The following TNFRSF13B variants were observed in gnomAD, a reference collection of about 807,000 sequenced individuals.
TNFRSF13B encodes the protein tumor necrosis factor receptor superfamily member 13B.
TNFRSF13B carries 34 observed loss-of-function variants against 24.0 expected under a neutral mutation model. The ratio of observed to expected loss-of-function variants is 1.41; its 90% CI spans 1.08 to 1.88. The LOEUF is 1.88. TNFRSF13B is among the 40% of genes most tolerant of loss of function. The pLI is 0.00. For missense variants in TNFRSF13B, 415 were observed against 380.8 expected (o/e 1.09, Z -0.75); for synonymous variants, 173 against 150.3 (o/e 1.15, Z -1.10).
At chr17:16,962,850 C>T (rs4985735) in intron 1 of TNFRSF13B, among the ~76,000 whole-genome samples, 118,298 of 151,690 alleles carry the variant, frequency 0.78, 46,862 homozygotes, top group East Asian at 0.99. Context: ...CCTCCTTCAC[C>T]GGGGGCCGGG....
chr17:16,951,744 C>T lies in TNFRSF13B; in HGVS notation c.199+702G>A, dbSNP rs113944606. Among the ~76,000 whole-genome samples the T allele has an allele frequency of 4.6e-3, 705 of 152,094 alleles. 2 individuals carry two copies. The highest frequency in any genetic ancestry group is 0.016 in the African/African-American group (651 of 41,480). On this transcript the variant is annotated intron_variant, in intron 2 of 4. Coordinates refer to ENST00000261652, the MANE Select transcript of TNFRSF13B (RefSeq NM_012452.3). ...TCTCTACTAAAAATACAAAATTAGCCGGGTGTGGTGGCACATGCCTGTAAT... is the reference window on the plus strand; with the variant it reads ...TCTCTACTAAAAATACAAAATTAGCTGGGTGTGGTGGCACATGCCTGTAAT...
intron 3 of TNFRSF13B, among the ~76,000 whole-genome samples, chr17:16,946,649 A>G (rs1027166199): frequency 6.6e-6 from 1 of 151,196 alleles, no homozygotes; most frequent in African/African-American, 2.4e-5. Context: ...GTACAAAGGC[A>G]CGATCTTGGC....
chr17:16,948,978 G>GT lies in TNFRSF13B; in HGVS notation c.204dup (p.Leu69ThrfsTer12), dbSNP rs72553875. On this transcript the variant is annotated frameshift_variant, in exon 3 of 5. Transcript: ENST00000261652. LOFTEE classifies it high-confidence loss of function. ...TTGCCTTGCTCCTTGCGGCAGCTGA[G>GT]TGACCCTGGGAGAGAGAAATTCATG... 558 of 1,614,068 alleles carry GT rather than the reference G, an allele frequency of 3.5e-4. 1 individual carries two copies. Among genetic ancestry groups the GT allele is most frequent in the Middle Eastern group, 6.6e-4 (4 of 6,062 alleles).
intron 1 of TNFRSF13B, among the ~76,000 whole-genome samples, chr17:16,967,453 G>A (rs946416533): frequency 1.3e-5 from 2 of 151,994 alleles, no homozygotes; most frequent in Non-Finnish European, 2.9e-5. Flanking sequence ...TTAAAAAATT[G>A]TGTTAAAAAT....
At chr17:16,971,103 T>C (rs950044941) in intron 1 of TNFRSF13B, among the ~76,000 whole-genome samples, 12 of 152,162 alleles carry the variant, frequency 7.9e-5, no homozygotes, top group African/African-American at 2.7e-4. Flanking sequence ...ATCCCAATAC[T>C]TTGGGAGGCT....
intron 3 of TNFRSF13B, among the ~76,000 whole-genome samples, chr17:16,942,101 C>A (rs2087514747): frequency 6.6e-6 from 1 of 152,192 alleles, no homozygotes; most frequent in Non-Finnish European, 1.5e-5. Context: ...TTTCCATTTT[C>A]TTGGGTGTAT....
At chr17:16,963,282 G>A (rs2087675766) in intron 1 of TNFRSF13B, among the ~76,000 whole-genome samples, 1 of 152,190 alleles carries the variant, frequency 6.6e-6, no homozygotes, top group African/African-American at 2.4e-5. Context: ...GGAGTGCTGT[G>A]CTGGACAAGG....
intron 3 of TNFRSF13B, among the ~76,000 whole-genome samples, chr17:16,942,703 A>G (rs1677179036): frequency 6.6e-6 from 1 of 152,228 alleles, no homozygotes; most frequent in East Asian, 1.9e-4. Context: ...GTTGTTACTA[A>G]GCGGAAATGA....
rs199603343 is a variant in TNFRSF13B at position 16,939,712 on chromosome 17, C to T, written c.717G>A (p.Ala239=). 143 of 1,605,362 alleles carry T rather than the reference C, an allele frequency of 8.9e-5. 1 individual carries two copies. The South Asian group carries it at 1.2e-3, about 14-fold the overall frequency. ...TCSFCFPECR[A]PTQESAVTPG... ...GCGTGACTGCGCTCTCCTGCGTGGG[C>T]GCCCTGCACTCAGGGAAGCAGAAGC... Residue 239 remains alanine, a synonymous_variant, in exon 5 of 5, where the codon GCG becomes GCA. Coordinates refer to ENST00000261652, the MANE Select transcript of TNFRSF13B (RefSeq NM_012452.3).
intron 1 of TNFRSF13B, among the ~76,000 whole-genome samples, chr17:16,962,811 T>A (rs903294630): frequency 4.6e-5 from 7 of 151,858 alleles, no homozygotes; most frequent in African/African-American, 1.5e-4. Flanking sequence ...AGCCAGCAGG[T>A]CTATCTTGAC....
intron 1 of TNFRSF13B, among the ~76,000 whole-genome samples, chr17:16,967,087 C>T (rs1243358342): frequency 2.6e-5 from 4 of 152,110 alleles, no homozygotes; most frequent in Non-Finnish European, 5.9e-5. Flanking sequence ...TATCTGCCCA[C>T]CTCAGACTTT....
chr17:16,944,062 C>T lies in TNFRSF13B; in HGVS notation c.446-3551G>A, dbSNP rs143407366. Among the ~76,000 whole-genome samples, 65 of 152,332 alleles carry T rather than the reference C, an allele frequency of 4.3e-4. 1 individual carries two copies. The highest frequency in any genetic ancestry group is 6.8e-3 in the Middle Eastern group (2 of 294). On this transcript the variant is annotated intron_variant, in intron 3 of 4. Transcript: ENST00000261652. ...TGTGTGAGCAGCAGGGCTTTCTGTG[C>T]TCTCTTGGTGAGCATGTGGAGCGGT...
intron 1 of TNFRSF13B, among the ~76,000 whole-genome samples, chr17:16,960,201 A>G (rs910440544): frequency 2.6e-5 from 4 of 152,008 alleles, no homozygotes; most frequent in Non-Finnish European, 5.9e-5. Context: ...ACTAAATCCA[A>G]CTTTTTTTAA....
chr17:16,940,445 A>C lies in TNFRSF13B; in HGVS notation c.512T>G (p.Leu171Arg), dbSNP rs143027621. The C allele has an allele frequency of 1.7e-4, 278 of 1,614,020 alleles. No individual in the cohort carries two copies. The highest frequency in any genetic ancestry group is 2.2e-4 in the Non-Finnish European group (263 of 1,180,036). The change falls in exon 4 of 5, where the codon CTG (leucine) becomes CGG (arginine). Residue 171 changes from leucine (L) to arginine (R), a missense_variant. Coordinates refer to ENST00000261652, the MANE Select transcript of TNFRSF13B (RefSeq NM_012452.3). ...CAGGAAGCAGCAGAGGACGGCACAC[A>C]GGCAGAGCCCCAGCGTGCTGTAGAC... is the stretch of plus-strand genomic sequence containing the variant. ...ALVYSTLGLC[L>R]CAVLCCFLVA...
chr17:16,963,124 C>A (rs965566721), intron 1 of TNFRSF13B, among the ~76,000 whole-genome samples: 1 of 152,202 alleles, frequency 6.6e-6, no homozygotes, highest in East Asian at 1.9e-4. Flanking sequence ...CCAGCGTCCT[C>A]CCCTGTAAGA....
chr17:16,962,638 G>A (rs1415575297), intron 1 of TNFRSF13B, among the ~76,000 whole-genome samples: 1 of 152,174 alleles, frequency 6.6e-6, no homozygotes, highest in Non-Finnish European at 1.5e-5. Context: ...CAACAAATAA[G>A]GTGGAGATGT....
chr17:16,958,493 A>T (rs969870370), intron 1 of TNFRSF13B, among the ~76,000 whole-genome samples: 19 of 144,472 alleles, frequency 1.3e-4, no homozygotes, highest in Non-Finnish European at 2.4e-4. Context: ...ACTTTAGATT[A>T]AAAAAAAATA....
In TNFRSF13B at chr17:16,952,587, A is replaced by T; in HGVS notation, c.62-4T>A. The T allele has an allele frequency of 6.2e-7, 1 of 1,614,116 alleles. No homozygotes were observed. The highest frequency in any genetic ancestry group is 8.5e-7 in the Non-Finnish European group (1 of 1,179,958). ...CCCGTCCACAGGCCCTGTGGAACTG[A>T]GAGACCAGGAGAGTGAGGGCAGCTG... On this transcript the variant is annotated splice_polypyrimidine_tract_variant and splice_region_variant and intron_variant, in intron 1 of 4. Transcript: ENST00000261652.
At chr17:16,942,629 C>T (rs181231879) in intron 3 of TNFRSF13B, among the ~76,000 whole-genome samples, 1 of 152,186 alleles carries the variant, frequency 6.6e-6, no homozygotes, top group South Asian at 2.1e-4. Flanking sequence ...AAACACTGCC[C>T]TGGAGGCATG....
Sources: allele counts gnomAD v4.1 joint callset (sites outside exome capture counted in the v4.1 genomes callset), GRCh38; gene constraint gnomAD v4.1.1; transcripts MANE v1.5; gene names NCBI Gene and HGNC (gene_info 2026-07-23, HGNC 2026-07-21).